Variants in MAN1A1 observed in about 807,000 individuals in gnomAD.
The protein encoded by MAN1A1 is mannosidase alpha class 1A member 1, also known as mannosyl-oligosaccharide 1,2-alpha-mannosidase IA.
Under a neutral mutation model 70.8 loss-of-function variants are expected in MAN1A1, and 29 were observed. The ratio of observed to expected loss-of-function variants is 0.41; its 90% CI spans 0.31 to 0.56. The LOEUF is 0.56. MAN1A1 is among the 20% of genes least tolerant of loss of function. The pLI is 0.29. For synonymous variants in MAN1A1, 349 were observed against 330.1 expected (o/e 1.06, Z -0.62); for missense variants, 747 against 841.3 (o/e 0.89, Z 1.39).
At chr6:119,326,208 G>A (rs1207338126) in intron 2 of MAN1A1, among the ~76,000 whole-genome samples, 1 of 152,182 alleles carries the variant, frequency 6.6e-6, no homozygotes, top group Non-Finnish European at 1.5e-5. Flanking sequence ...ACCTGTGTGG[G>A]TGGCTCTCCC....
At chr6:119,320,188 G>T (rs565226587) in intron 2 of MAN1A1, among the ~76,000 whole-genome samples, 1 of 152,088 alleles carries the variant, frequency 6.6e-6, no homozygotes, top group African/African-American at 2.4e-5. Context: ...TGGCCAGGCT[G>T]GTCTCAGACT....
intron 3 of MAN1A1, among the ~76,000 whole-genome samples, chr6:119,303,695 C>A (rs1445333286): frequency 6.6e-6 from 1 of 152,110 alleles, no homozygotes; most frequent in African/African-American, 2.4e-5. Context: ...TCAGAGACTA[C>A]CTCAAGGCAG....
chr6:119,227,068 T>C (rs927613043), intron 6 of MAN1A1, among the ~76,000 whole-genome samples: 1 of 152,174 alleles, frequency 6.6e-6, no homozygotes, highest in Non-Finnish European at 1.5e-5. Context: ...AGTATATTCA[T>C]ACAATGAAAT....
intron 2 of MAN1A1, among the ~76,000 whole-genome samples, chr6:119,336,790 T>G (rs1258204825): frequency 6.6e-6 from 1 of 152,102 alleles, no homozygotes. Flanking sequence ...CCTTTATCTC[T>G]CAAAAAATTT....
intron 5 of MAN1A1, among the ~76,000 whole-genome samples, chr6:119,287,152 A>G (rs1776396883): frequency 1.3e-5 from 2 of 152,146 alleles, no homozygotes; most frequent in Admixed American, 1.3e-4. Context: ...TGTCTTGAGT[A>G]GAGTAACAGA....
chr6:119,273,190 C>T (rs1775971629), intron 5 of MAN1A1, among the ~76,000 whole-genome samples: 1 of 151,996 alleles, frequency 6.6e-6, no homozygotes, highest in Non-Finnish European at 1.5e-5. Flanking sequence ...TTGTGATTTT[C>T]CTTTAATATT....
At chr6:119,345,135 T>G (rs139070297) in intron 2 of MAN1A1, among the ~76,000 whole-genome samples, 1,775 of 150,214 alleles carry the variant, frequency 0.012, 14 homozygotes, top group South Asian at 0.022. Flanking sequence ...CCAAATTGGA[T>G]TAAGGTTCTA....
intron 5 of MAN1A1, among the ~76,000 whole-genome samples, chr6:119,285,139 T>TTTTTTCTTTTC (rs1554211818): frequency 7.0e-6 from 1 of 142,786 alleles, no homozygotes; most frequent in African/African-American, 2.6e-5. Flanking sequence ...GTAGCAGACT[T>TTTTTTCTTTTC]TTTTTTTTTT....
At chr6:119,192,199 T>C (rs1401312172) in intron 9 of MAN1A1, among the ~76,000 whole-genome samples, 1 of 152,138 alleles carries the variant, frequency 6.6e-6, no homozygotes, top group Non-Finnish European at 1.5e-5. Context: ...AATTTAAGAT[T>C]AGAATAATTA....
chr6:119,235,594 C>G (rs1025317922), intron 6 of MAN1A1, among the ~76,000 whole-genome samples: 2 of 152,182 alleles, frequency 1.3e-5, no homozygotes, highest in Non-Finnish European at 2.9e-5. Flanking sequence ...GGTGAAGCAG[C>G]AAGTGCTAGA....
intron 2 of MAN1A1, among the ~76,000 whole-genome samples, chr6:119,320,892 C>G (rs1200522352): frequency 2.0e-5 from 3 of 152,088 alleles, no homozygotes; most frequent in Non-Finnish European, 4.4e-5. Context: ...AATTACATAC[C>G]ACTCTGTTAA....
chr6:119,321,290 C>T (rs140000563), intron 2 of MAN1A1, among the ~76,000 whole-genome samples: 207 of 152,262 alleles, frequency 1.4e-3, no homozygotes, highest in African/African-American at 4.7e-3. Context: ...TTTCTGGAAA[C>T]AAGACTGTTG....
intron 3 of MAN1A1, among the ~76,000 whole-genome samples, chr6:119,302,413 A>G (rs915066035): frequency 2.7e-5 from 4 of 150,190 alleles, no homozygotes; most frequent in Non-Finnish European, 5.9e-5. Flanking sequence ...ATGGAGTCTC[A>G]TTCTGTTGCC....
At chr6:119,239,565 T>C (rs1774947993) in intron 6 of MAN1A1, among the ~76,000 whole-genome samples, 1 of 152,352 alleles carries the variant, frequency 6.6e-6, no homozygotes, top group South Asian at 2.1e-4. Context: ...TGTAGTTAGT[T>C]GAATATTTAC....
In MAN1A1 at chr6:119,188,748, T is replaced by C. The variant is rs577854756; in HGVS notation, c.1547-171A>G. On this transcript the variant is annotated intron_variant, in intron 10 of 12. Coordinates refer to ENST00000368468, the MANE Select transcript of MAN1A1 (RefSeq NM_005907.4). ...GGATCCTTGAGTCCCTTATATAAAA[T>C]GGCAAAGTATTCGCATACAACCTGG... Among the ~76,000 whole-genome samples, 20 of 152,318 alleles carry C rather than the reference T, an allele frequency of 1.3e-4. 1 individual carries two copies. The South Asian group carries it at 4.1e-3, about 32-fold the overall frequency.
At chr6:119,349,871 G>T, upstream of MAN1A1, 1 of 511,124 alleles carries the variant, frequency 2.0e-6, no homozygotes, top group Non-Finnish European at 2.5e-6. Context: ...CGGGGGCGGG[G>T]CCGAGGCGAG....
At position 119,210,413 on chromosome 6, in the gene MAN1A1, G is replaced by A. The variant is rs534975659; in HGVS notation, c.993-5531C>T. On this transcript the variant is annotated intron_variant, in intron 6 of 12. Transcript: ENST00000368468. ...CAGTTTGGTGTATTTAGATGGGCAT[G>A]CATATACACCACTTAAAAAAAAATC... 6.6e-5 allele frequency among the ~76,000 whole-genome samples: 10 copies of A among 152,172 alleles called. No homozygotes were observed. The East Asian group carries it at 1.4e-3, about 21-fold the overall frequency.
At chr6:119,334,120 C>G (rs189069564) in intron 2 of MAN1A1, among the ~76,000 whole-genome samples, 1 of 152,070 alleles carries the variant, frequency 6.6e-6, no homozygotes, top group Non-Finnish European at 1.5e-5. Flanking sequence ...GGTTTATTTT[C>G]GATCAATTTT....
rs1331700962 is a variant in MAN1A1 at position 119,180,445 on chromosome 6, A to G, written c.1720-18T>C. 1.7e-6 allele frequency: 2 copies of G among 1,163,246 alleles called. No homozygotes were observed. The highest frequency in any genetic ancestry group is 2.5e-6 in the Non-Finnish European group (2 of 810,828). The allele number at this position is 1,163,246 out of a possible 1,614,324, so 72.1% of individuals were successfully genotyped here. Reference sequence around the variant, plus strand: ...TCCAAGGCCTAAATTATAGAGGAGGAAAAAAAAAAGTCACATTTCAGTAAA... The same window carrying G: ...TCCAAGGCCTAAATTATAGAGGAGGGAAAAAAAAAGTCACATTTCAGTAAA... On this transcript the variant is annotated intron_variant, in intron 11 of 12. Coordinates refer to ENST00000368468, the MANE Select transcript of MAN1A1 (RefSeq NM_005907.4).
Sources: gnomAD v4.1 joint callset for allele counts (sites outside exome capture counted in the v4.1 genomes callset) on GRCh38, gnomAD v4.1.1 for gene constraint, MANE v1.5 for transcripts, NCBI Gene and HGNC (gene_info 2026-07-23, HGNC 2026-07-21) for gene names.